MDGA2: variants seen among roughly 807,000 people sequenced by gnomAD.
MDGA2 encodes the protein MAM domain-containing glycosylphosphatidylinositol anchor protein 2.
MDGA2 carries 40 observed loss-of-function variants against 117.8 expected under a neutral mutation model. That is an observed-to-expected ratio of 0.34 (90% CI 0.26 to 0.44). The LOEUF (loss-of-function observed/expected upper bound fraction) is 0.44. Among genes scored for constraint, MDGA2 ranks in the 20% least tolerant of loss-of-function variants. MDGA2 has a pLI of 1.00. For missense variants in MDGA2, 1,123 were observed against 1,250.6 expected (o/e 0.90, Z 1.54); for synonymous variants, 452 against 439.0 (o/e 1.03, Z -0.37).
intron 6 of MDGA2, among the ~76,000 whole-genome samples, chr14:47,063,772 G>A (rs1170423625): frequency 2.0e-5 from 3 of 151,798 alleles, no homozygotes; most frequent in Admixed American, 6.6e-5. Flanking sequence ...ATAACCATAT[G>A]ACTAATATCA....
At chr14:47,123,526 G>A (rs1285713704) in intron 5 of MDGA2, among the ~76,000 whole-genome samples, 1 of 151,992 alleles carries the variant, frequency 6.6e-6, no homozygotes, top group Non-Finnish European at 1.5e-5. Context: ...GCACTGAAAT[G>A]AAGAATCTGT....
At chr14:47,332,125 A>G (rs934575923) in intron 1 of MDGA2, among the ~76,000 whole-genome samples, 2 of 152,036 alleles carry the variant, frequency 1.3e-5, no homozygotes, top group Non-Finnish European at 2.9e-5. Context: ...TATCCCATTA[A>G]GTCCTGGATC....
intron 1 of MDGA2, among the ~76,000 whole-genome samples, chr14:47,608,996 A>T (rs969070155): frequency 3.9e-5 from 6 of 152,078 alleles, no homozygotes; most frequent in Non-Finnish European, 8.8e-5. Flanking sequence ...TGAGAAAAAA[A>T]CAAAAGTCTA....
chr14:47,508,341 T>A (rs1894559754), intron 1 of MDGA2, among the ~76,000 whole-genome samples: 1 of 113,990 alleles, frequency 8.8e-6, no homozygotes, highest in African/African-American at 3.3e-5. Flanking sequence ...TATTTCCTAA[T>A]TTGCTGATTG....
At chr14:47,355,368 G>A (rs2138357023) in intron 1 of MDGA2, among the ~76,000 whole-genome samples, 1 of 152,252 alleles carries the variant, frequency 6.6e-6, no homozygotes, top group East Asian at 1.9e-4. Flanking sequence ...AAAAGCAGAT[G>A]ATTTTCTTCT....
At chr14:47,547,857 T>C (rs1895493884) in intron 1 of MDGA2, among the ~76,000 whole-genome samples, 1 of 152,224 alleles carries the variant, frequency 6.6e-6, no homozygotes, top group African/African-American at 2.4e-5. Context: ...GGTTTAGATG[T>C]GGTTGTTATT....
intron 2 of MDGA2, among the ~76,000 whole-genome samples, chr14:47,281,339 C>T (rs1376382345): frequency 6.6e-6 from 1 of 152,074 alleles, no homozygotes; most frequent in Non-Finnish European, 1.5e-5. Context: ...TATAGATTTT[C>T]ATACATTATG....
intron 1 of MDGA2, among the ~76,000 whole-genome samples, chr14:47,622,534 G>A (rs573463011): frequency 6.6e-6 from 1 of 152,320 alleles, no homozygotes; most frequent in South Asian, 2.1e-4. Context: ...TGGAAAGAAT[G>A]TTTCAGGTAG....
intron 7 of MDGA2, chr14:47,059,148 A>G: frequency 1.2e-6 from 1 of 853,328 alleles, no homozygotes; most frequent in South Asian, 1.9e-5. Flanking sequence ...TGAAAGGTGT[A>G]TGCATAAATT....
rs570907553 is a variant in MDGA2, at chr14:46,961,627, T to C, written c.1820-3984A>G. Among the ~76,000 whole-genome samples the C allele has an allele frequency of 7.1e-4, 107 of 151,750 alleles. 1 individual carries two copies. Among genetic ancestry groups the C allele is most frequent in the African/African-American group, 2.3e-3 (97 of 41,310 alleles). On this transcript the variant is annotated intron_variant, in intron 8 of 16. Coordinates refer to ENST00000399232, the MANE Select transcript of MDGA2 (RefSeq NM_001113498.3). ...CTTCCATTTCTTTAAACAAAGTAAT[T>C]GTTTTATACTGCCTGATAATTTTTT... is the stretch of plus-strand genomic sequence containing the variant.
intron 1 of MDGA2, among the ~76,000 whole-genome samples, chr14:47,595,362 C>T (rs1054980933): frequency 3.3e-5 from 5 of 151,802 alleles, no homozygotes; most frequent in African/African-American, 4.8e-5. Context: ...TGGCGAAACC[C>T]CTTTTCTACT....
At chr14:47,357,670 G>A (rs1029687251) in intron 1 of MDGA2, among the ~76,000 whole-genome samples, 1 of 152,168 alleles carries the variant, frequency 6.6e-6, no homozygotes, top group Admixed American at 6.5e-5. Flanking sequence ...CTCTGTTGGG[G>A]ATACTAGTGA....
intron 8 of MDGA2, among the ~76,000 whole-genome samples, chr14:46,977,248 C>T (rs568520840): frequency 1.0e-3 from 155 of 151,324 alleles, no homozygotes; most frequent in Non-Finnish European, 1.7e-3. Flanking sequence ...TTTTTTAAAA[C>T]ACTTTCACTA....
chr14:47,488,791 A>C (rs1179290708), intron 1 of MDGA2, among the ~76,000 whole-genome samples: 1 of 152,046 alleles, frequency 6.6e-6, no homozygotes, highest in Non-Finnish European at 1.5e-5. Flanking sequence ...AACACTCTGC[A>C]CAACAGAGGT....
chr14:47,005,463 A>G (rs1041865253), intron 8 of MDGA2, among the ~76,000 whole-genome samples: 3 of 151,674 alleles, frequency 2.0e-5, no homozygotes, highest in African/African-American at 7.2e-5. Context: ...TAAACTCTGC[A>G]TCATCATAAT....
At chr14:47,607,127 A>T (rs1896757217) in intron 1 of MDGA2, among the ~76,000 whole-genome samples, 1 of 152,154 alleles carries the variant, frequency 6.6e-6, no homozygotes, top group Non-Finnish European at 1.5e-5. Context: ...ATAAATACCC[A>T]AGGAAAAAAA....
chr14:47,487,241 A>G (rs141150454), intron 1 of MDGA2, among the ~76,000 whole-genome samples: 10 of 152,346 alleles, frequency 6.6e-5, no homozygotes, highest in African/African-American at 2.2e-4. Flanking sequence ...TATCAACATT[A>G]CTGTGGATAA....
intron 14 of MDGA2, 87 bp downstream of exon 14, chr14:46,873,346 A>G: frequency 8.1e-7 from 1 of 1,240,904 alleles, no homozygotes; most frequent in East Asian, 2.7e-5. Flanking sequence ...CTTTGACCAA[A>G]AATTGTTTTA....
At chr14:47,201,675 T>C (rs1260720232) in intron 3 of MDGA2, among the ~76,000 whole-genome samples, 1 of 152,224 alleles carries the variant, frequency 6.6e-6, no homozygotes, top group Non-Finnish European at 1.5e-5. Flanking sequence ...ACGAACTCTT[T>C]CAACTTCCTA....
Sources: allele counts gnomAD v4.1 joint callset (sites outside exome capture counted in the v4.1 genomes callset), GRCh38; gene constraint gnomAD v4.1.1; transcripts MANE v1.5; gene names NCBI Gene and HGNC (gene_info 2026-07-23, HGNC 2026-07-21).